MCC: variants seen among roughly 807,000 people sequenced by gnomAD.
MCC encodes colorectal mutant cancer protein.
In MCC, 90 loss-of-function variants were observed where a neutral mutation model predicts 116.2. That is an observed-to-expected ratio of 0.77 (90% CI 0.65 to 0.92). The LOEUF is 0.92. Ranked by LOEUF, MCC falls within the 40% of genes least tolerant of loss-of-function variation. The probability of loss-of-function intolerance (pLI) is 0.00; values close to 1 mark genes in which losing one functional copy is unlikely to be tolerated. For synonymous variants in MCC, 578 were observed against 510.5 expected (o/e 1.13, Z -1.78); for missense variants, 1,516 against 1,312.2 (o/e 1.16, Z -2.40).
intron 8 of MCC, among the ~76,000 whole-genome samples, chr5:113,088,927 G>A (rs1019824903): frequency 6.6e-6 from 1 of 152,104 alleles, no homozygotes; most frequent in African/African-American, 2.4e-5. Context: ...GGGACTACAG[G>A]GGCATGCCAC....
At chr5:113,316,689 C>G (rs1767294327) in intron 3 of MCC, among the ~76,000 whole-genome samples, 3 of 152,108 alleles carry the variant, frequency 2.0e-5, no homozygotes, top group Admixed American at 2.0e-4. Flanking sequence ...ATGCGTAATT[C>G]TATTACACCT....
chr5:113,043,454 G>T, intron 17 of MCC, 76 bp downstream of exon 17: 1 of 1,305,916 alleles, frequency 7.7e-7, no homozygotes, highest in Non-Finnish European at 1.1e-6. Context: ...CTCCTTTTGG[G>T]AGCAGCAAAG....
chr5:113,300,967 C>T (rs1766847184), intron 3 of MCC, among the ~76,000 whole-genome samples: 2 of 152,216 alleles, frequency 1.3e-5, no homozygotes, highest in Admixed American at 1.3e-4. Context: ...AGTTACCTAG[C>T]TCATCCCTGC....
chr5:113,122,379 C>G (rs1757785564), intron 6 of MCC, among the ~76,000 whole-genome samples: 1 of 152,208 alleles, frequency 6.6e-6, no homozygotes, highest in Non-Finnish European at 1.5e-5. Context: ...TCCCTTCCCA[C>G]CATCATAGTT....
chr5:113,418,445 A>G (rs1770219543), intron 1 of MCC, among the ~76,000 whole-genome samples: 1 of 149,798 alleles, frequency 6.7e-6, no homozygotes, highest in African/African-American at 2.5e-5. Context: ...AAATAGACAT[A>G]TGTTCATCTT....
chr5:113,148,140 T>C (rs1316358409), intron 4 of MCC, among the ~76,000 whole-genome samples: 1 of 152,264 alleles, frequency 6.6e-6, no homozygotes, highest in South Asian at 2.1e-4. Flanking sequence ...ATCAGGACTA[T>C]ATCTGATCTT....
In MCC at chr5:113,043,765, G is replaced by A. The variant is rs1442264001; in HGVS notation, c.2656-135C>T. ...GCACCGGGTGGCGCCCTCAGGTCATGCCAAAGGGGAAAGCCTGGCAGCAAG... is the reference window on the plus strand; with the variant it reads ...GCACCGGGTGGCGCCCTCAGGTCATACCAAAGGGGAAAGCCTGGCAGCAAG... On this transcript the variant is annotated intron_variant, in intron 16 of 18. Coordinates refer to ENST00000408903, the MANE Select transcript of MCC (RefSeq NM_001085377.2). 6.5e-5 allele frequency: 40 copies of A among 617,754 alleles called. 1 individual carries two copies. In the East Asian group the frequency reaches 9.9e-4, roughly 15 times the overall value. 38.3% of individuals were successfully genotyped at this position (617,754 alleles called of 1,614,324 possible). A position where few individuals can be genotyped will look rare whatever the true frequency, so the allele number is the denominator to read the frequency against.
intron 3 of MCC, among the ~76,000 whole-genome samples, chr5:113,214,075 CT>C (rs149778751): frequency 0.012 from 1,762 of 152,290 alleles, 15 homozygotes; most frequent in African/African-American, 0.024. Flanking sequence ...CCTCCCACCC[CT>C]GTCCCCATAT....
intron 3 of MCC, among the ~76,000 whole-genome samples, chr5:113,166,624 C>G (rs143716796): frequency 1.5e-3 from 226 of 149,320 alleles, no homozygotes; most frequent in African/African-American, 5.5e-3. Flanking sequence ...GCAAACATCA[C>G]TTGAGATGGA....
rs763434099 is a variant in MCC at position 113,053,904 on chromosome 5, G to C, written c.2269C>G (p.Gln757Glu). The C allele has an allele frequency of 1.2e-6, 2 of 1,614,060 alleles. No homozygotes were observed. Among genetic ancestry groups the C allele is most frequent in the Non-Finnish European group, 8.5e-7 (1 of 1,179,982 alleles). Residue 757 changes from glutamine (Q) to glutamate (E), a missense_variant, in exon 15 of 19, where the codon CAG (glutamine) becomes GAG (glutamate). Transcript: ENST00000408903. ...TGCTGGATATAATCCTTCAGCCTCTGCTCGTCTTCTTTAGTGAACTCGGTG... is the reference window on the plus strand; with the variant it reads ...TGCTGGATATAATCCTTCAGCCTCTCCTCGTCTTCTTTAGTGAACTCGGTG... ...CDTEFTKEDE[Q>E]RLKDYIQQLK... is the part of the protein sequence containing the mutation.
intron 3 of MCC, among the ~76,000 whole-genome samples, chr5:113,229,083 G>A (rs1290886609): frequency 1.3e-5 from 2 of 152,182 alleles, no homozygotes; most frequent in African/African-American, 4.8e-5. Context: ...TGGACTTAGA[G>A]GTCAGTGTTT....
intron 17 of MCC, among the ~76,000 whole-genome samples, chr5:113,033,061 C>T (rs751266164): frequency 2.0e-5 from 3 of 152,228 alleles, no homozygotes; most frequent in Non-Finnish European, 4.4e-5. Context: ...TCCTAATAAA[C>T]TTGCTTTCAT....
intron 1 of MCC, among the ~76,000 whole-genome samples, chr5:113,421,421 T>C (rs1386986082): frequency 6.6e-6 from 1 of 152,168 alleles, no homozygotes; most frequent in Non-Finnish European, 1.5e-5. Flanking sequence ...TCAGAGAAAA[T>C]AAAACTCTTT....
chr5:113,433,404 TG>T, intron 1 of MCC: 1 of 555,548 alleles, frequency 1.8e-6, no homozygotes, highest in Non-Finnish European at 3.4e-6. Flanking sequence ...GGTGCCTTCC[TG>T]CTGCTCTTCC....
At chr5:113,212,491 C>T (rs1209991682) in intron 3 of MCC, among the ~76,000 whole-genome samples, 4 of 152,138 alleles carry the variant, frequency 2.6e-5, no homozygotes, top group East Asian at 1.9e-4. Flanking sequence ...AAAGATCTCA[C>T]GTTGCAGACA....
chr5:113,467,566 A>C (rs1771947763), intron 1 of MCC, among the ~76,000 whole-genome samples: 3 of 152,108 alleles, frequency 2.0e-5, no homozygotes, highest in Non-Finnish European at 2.9e-5. Context: ...TACCAGTACC[A>C]CGCTGTTTTG....
intron 2 of MCC, among the ~76,000 whole-genome samples, chr5:113,358,582 G>T (rs1031126686): frequency 6.6e-6 from 1 of 152,062 alleles, no homozygotes; most frequent in African/African-American, 2.4e-5. Context: ...AGTTATGTGG[G>T]TTCTTTAGAG....
At chr5:113,392,667 C>T (rs571255639) in intron 1 of MCC, among the ~76,000 whole-genome samples, 1 of 152,194 alleles carries the variant, frequency 6.6e-6, no homozygotes, top group Non-Finnish European at 1.5e-5. Context: ...TATTAATAGT[C>T]ATATTTATAA....
At chr5:113,236,641 C>T (rs963228949) in intron 3 of MCC, among the ~76,000 whole-genome samples, 3 of 152,154 alleles carry the variant, frequency 2.0e-5, no homozygotes, top group Non-Finnish European at 4.4e-5. Context: ...TCACTGTTAG[C>T]GTTGCCAACG....
Sources: allele counts gnomAD v4.1 joint callset (sites outside exome capture counted in the v4.1 genomes callset), GRCh38; gene constraint gnomAD v4.1.1; transcripts MANE v1.5; gene names NCBI Gene and HGNC (gene_info 2026-07-23, HGNC 2026-07-21).